Variants in ADAMTSL2 observed in about 807,000 individuals in gnomAD.
The protein encoded by ADAMTSL2 is ADAMTS-like protein 2.
In ADAMTSL2, 55 loss-of-function variants were observed where a neutral mutation model predicts 117.0. That is an observed-to-expected ratio of 0.47 (90% CI 0.38 to 0.59). The LOEUF (loss-of-function observed/expected upper bound fraction) is 0.59, where lower values mean the gene tolerates loss of function less well. ADAMTSL2 is among the 20% of genes least tolerant of loss of function. The pLI, the probability that ADAMTSL2 is intolerant of heterozygous loss-of-function variation, is 0.00. For missense variants in ADAMTSL2, 1,182 were observed against 1,354.5 expected, an observed-to-expected ratio of 0.87 and a Z score of 2.00; for synonymous variants, 572 against 566.4, an observed-to-expected ratio of 1.01 and a Z score of -0.14.
intron 17 of ADAMTSL2, among the ~76,000 whole-genome samples, chr9:133,572,370 G>A (rs1213009387): frequency 6.6e-6 from 1 of 152,176 alleles, no homozygotes; most frequent in African/African-American, 2.4e-5. Context: ...AGGGTGAGCC[G>A]GCTTTTGCCG....
At chr9:133,538,197 T>G in intron 3 of ADAMTSL2, 152 bp from the exon 4 acceptor site, 1 of 833,280 alleles carries the variant, frequency 1.2e-6, no homozygotes. Flanking sequence ...GGCTCTGGTG[T>G]GTGTACGGGG....
At position 133,555,817 on chromosome 9, in the gene ADAMTSL2, G is replaced by T; in HGVS notation, c.1536G>T (p.Gly512=). 1 of 1,613,828 alleles carries T rather than the reference G, an allele frequency of 6.2e-7. No homozygotes were observed. The part of the protein sequence containing the change: ...NEGAGPYLLN[G]SYLELSSDRV... ...GGGCTGGCCCTTACCTGCTCAACGG[G>T]TCCTACCTGGAGCTGAGCAGCGACA... is the stretch of plus-strand genomic sequence containing the variant. Residue 512 remains glycine (G), a synonymous_variant, in exon 11 of 19, where the codon GGG becomes GGT. Coordinates refer to ENST00000651351, the MANE Select transcript of ADAMTSL2 (RefSeq NM_014694.4).
intron 12 of ADAMTSL2, among the ~76,000 whole-genome samples, chr9:133,563,833 GA>G (rs1830811912): frequency 4.0e-5 from 4 of 100,860 alleles, no homozygotes; most frequent in South Asian, 3.5e-4. Context: ...GAGAGAGAGA[GA>G]GAGAGAGAGG....
In ADAMTSL2 at chr9:133,567,081, C is replaced by A; in HGVS notation, c.1874+19C>A. On this transcript the variant is annotated intron_variant, in intron 13 of 18. Coordinates refer to ENST00000651351, the MANE Select transcript of ADAMTSL2 (RefSeq NM_014694.4). ...AGCCCAGGTACCTGCCACCAGGGGC[C>A]CTGGGCAGGGGGTCGGCAGGGGGCG... is the stretch of plus-strand genomic sequence containing the variant. 1.2e-6 allele frequency: 2 copies of A among 1,600,626 alleles called. No homozygotes were observed. Among genetic ancestry groups the A allele is most frequent in the Non-Finnish European group, 1.7e-6 (2 of 1,178,134 alleles).
At chr9:133,534,533 C>A, upstream of ADAMTSL2, 2 of 720,322 alleles carry the variant, frequency 2.8e-6, no homozygotes, top group Non-Finnish European at 3.8e-6. Flanking sequence ...CCGCCGCCGG[C>A]AGCAGCCAAC....
In ADAMTSL2 at chr9:133,570,356, T is replaced by G; in HGVS notation, c.2441T>G (p.Val814Gly). ...TGCAACACCACCTGCGGGCGCGGGG[T>G]CAAGAAGCGGCTGGTGCTCTGCATG... ...ERCNTTCGRG[V>G]KKRLVLCMEL... The change falls in exon 17 of 19, where the codon GTC (valine) becomes GGC (glycine). Residue 814 changes from valine to glycine, a missense_variant. Transcript: ENST00000651351. 1 of 1,550,300 alleles carries G rather than the reference T, an allele frequency of 6.5e-7. No homozygotes were observed. Among genetic ancestry groups the G allele is most frequent in the Admixed American group, 1.9e-5 (1 of 51,410 alleles).
chr9:133,542,458 G>A (rs773440386), intron 7 of ADAMTSL2, among the ~76,000 whole-genome samples: 8 of 152,184 alleles, frequency 5.3e-5, no homozygotes, highest in Admixed American at 3.9e-4. Flanking sequence ...TGTAGGGCAC[G>A]TAGTGTGTGC....
At chr9:133,551,868 T>C (rs1262499723) in intron 9 of ADAMTSL2, among the ~76,000 whole-genome samples, 1 of 148,946 alleles carries the variant, frequency 6.7e-6, no homozygotes, top group Non-Finnish European at 1.5e-5. Context: ...CTTACCCTGT[T>C]GCCCAGGCTG....
intron 5 of ADAMTSL2, among the ~76,000 whole-genome samples, chr9:133,540,136 CACTT>C (rs1314069905): frequency 6.6e-6 from 1 of 152,206 alleles, no homozygotes; most frequent in Non-Finnish European, 1.5e-5. Flanking sequence ...GTGACTTGCT[CACTT>C]ACTTACTGGC....
At position 133,557,824 on chromosome 9, in the gene ADAMTSL2, C is replaced by T. The variant is rs1205714071; in HGVS notation, c.1649+1894C>T. On this transcript the variant is annotated intron_variant, in intron 11 of 18. Transcript: ENST00000651351. The surrounding 1 kb of genome is among the most constrained non-coding windows in gnomAD (Gnocchi z 5.2). Reference sequence around the variant, plus strand: ...AGGGAGGCCAGCTCTCCGGCAGTCACGGCCCTCCAAATAGAATAGGTTTAT... The same window carrying T: ...AGGGAGGCCAGCTCTCCGGCAGTCATGGCCCTCCAAATAGAATAGGTTTAT... Among the ~76,000 whole-genome samples the T allele has an allele frequency of 1.3e-5, 2 of 152,326 alleles. No individual in the cohort carries two copies. The highest frequency in any genetic ancestry group is 1.3e-4 in the Admixed American group (2 of 15,302).
chr9:133,543,335 G>A (rs1305100392), intron 7 of ADAMTSL2, among the ~76,000 whole-genome samples: 3 of 152,178 alleles, frequency 2.0e-5, no homozygotes, highest in Admixed American at 6.5e-5. Flanking sequence ...AGCTTCAGTC[G>A]CTTGCTTCAA....
intron 12 of ADAMTSL2, among the ~76,000 whole-genome samples, chr9:133,563,640 C>T (rs1013015074): frequency 2.9e-4 from 44 of 152,100 alleles, no homozygotes; most frequent in African/African-American, 1.0e-3. Context: ...CAGAGAATGG[C>T]AGGGAGGGGG....
At chr9:133,556,852 G>A (rs1476516011) in intron 11 of ADAMTSL2, among the ~76,000 whole-genome samples, 7 of 152,310 alleles carry the variant, frequency 4.6e-5, no homozygotes, top group South Asian at 4.1e-4. Flanking sequence ...AGCACAGTCC[G>A]TGGTGACAAG....
chr9:133,534,830 C>T lies in ADAMTSL2; in HGVS notation c.-238C>T. The T allele has an allele frequency of 6.7e-7, 1 of 1,497,930 alleles. No individual in the cohort carries two copies. Among genetic ancestry groups the T allele is most frequent in the Non-Finnish European group, 8.9e-7 (1 of 1,119,710 alleles). 92.8% of individuals were successfully genotyped at this position (1,497,930 alleles called of 1,614,324 possible). ...GCCGCAGCCTCTGCACTCACGCCGC[C>T]CCCGCACGCACAGCGCACCTGGCGC... On this transcript the variant is annotated 5_prime_UTR_variant, in exon 1 of 19. Transcript: ENST00000651351.
chr9:133,533,071 T>C (rs1372972742), upstream of ADAMTSL2, among the ~76,000 whole-genome samples: 3 of 152,060 alleles, frequency 2.0e-5, no homozygotes. Flanking sequence ...GTGCGAGGCC[T>C]GGCGGTCACC....
chr9:133,534,975 G>T (rs1021305793), intron 1 of ADAMTSL2, 58 bp downstream of exon 1: 74 of 1,340,174 alleles, frequency 5.5e-5, no homozygotes, highest in Non-Finnish European at 6.8e-5. Flanking sequence ...CCAGCCCACT[G>T]CTCAGAGTGG....
At chr9:133,551,878 G>A (rs1402880029) in intron 9 of ADAMTSL2, among the ~76,000 whole-genome samples, 1 of 146,656 alleles carries the variant, frequency 6.8e-6, no homozygotes, top group Admixed American at 7.0e-5. Flanking sequence ...TGCCCAGGCT[G>A]GAGTGCAGTG....
At chr9:133,567,352 C>A (rs1458266854) in intron 13 of ADAMTSL2, among the ~76,000 whole-genome samples, 1 of 152,262 alleles carries the variant, frequency 6.6e-6, no homozygotes, top group African/African-American at 2.4e-5. Flanking sequence ...GGTATCTTTG[C>A]CCCACCAGGC....
chr9:133,539,922 G>C (rs908986709), intron 5 of ADAMTSL2, 49 bp downstream of exon 5: 84 of 1,524,154 alleles, frequency 5.5e-5, no homozygotes, highest in Non-Finnish European at 6.8e-5. Context: ...ACTGAGCTTT[G>C]GGGGTAGCCC....
Sources: allele counts gnomAD v4.1 joint callset (sites outside exome capture counted in the v4.1 genomes callset), GRCh38; gene constraint gnomAD v4.1.1; non-coding constraint Gnocchi (gnomAD v3.1); transcripts MANE v1.5; gene names NCBI Gene and HGNC (gene_info 2026-07-23, HGNC 2026-07-21).